The following SORCS1 variants were observed in gnomAD, a reference collection of about 807,000 sequenced individuals.
SORCS1 encodes VPS10 domain-containing receptor SorCS1.
Under a neutral mutation model 146.1 loss-of-function variants are expected in SORCS1, and 60 were observed. The observed-to-expected ratio is 0.41, with a 90% CI of 0.33 to 0.51. The LOEUF is 0.51. Ranked by LOEUF, SORCS1 falls within the 20% of genes least tolerant of loss-of-function variation. The probability of loss-of-function intolerance (pLI) is 0.21; values close to 1 mark genes in which losing one functional copy is unlikely to be tolerated. For synonymous variants in SORCS1, 637 were observed against 584.0 expected, an observed-to-expected ratio of 1.09 and a Z score of -1.31; for missense variants, 1,352 against 1,487.6, an observed-to-expected ratio of 0.91 and a Z score of 1.50.
chr10:107,083,808 T>G (rs1963536637), intron 1 of SORCS1, among the ~76,000 whole-genome samples: 1 of 152,156 alleles, frequency 6.6e-6, no homozygotes, highest in Non-Finnish European at 1.5e-5. Flanking sequence ...GGGAGTGGGA[T>G]GACTCACGCT....
chr10:107,176,917 T>G, the SORCS1 span, among the ~76,000 whole-genome samples: 1 of 152,116 alleles, frequency 6.6e-6, no homozygotes, highest in Non-Finnish European at 1.5e-5. Context: ...TTTATTAATT[T>G]TTTTGGCTTA....
chr10:106,806,851 C>T (rs1947214353), intron 3 of SORCS1, among the ~76,000 whole-genome samples: 1 of 152,030 alleles, frequency 6.6e-6, no homozygotes, highest in Non-Finnish European at 1.5e-5. Context: ...ACTCCACCTT[C>T]CCTATTATTC....
intron 3 of SORCS1, among the ~76,000 whole-genome samples, chr10:106,809,258 A>T (rs149683522): frequency 1.3e-5 from 2 of 152,228 alleles, no homozygotes; most frequent in East Asian, 3.9e-4. Flanking sequence ...CCAGACTAAA[A>T]GTCTCGAAGT....
In SORCS1 at chr10:106,652,399, T is replaced by C. The variant is rs1849933899; in HGVS notation, c.2458A>G (p.Met820Val). The C allele has an allele frequency of 2.5e-6, 4 of 1,612,804 alleles. No homozygotes were observed. In the African/African-American group the frequency reaches 4.0e-5, roughly 16 times the overall value. ...TAEQGHNVTL[M>V]VQLEEGDVQR... ...AGTCCTACCTCTTCTAATTGCACCATGAGAGTGACGTTGTGTCCTTGTTCC... is the reference window on the plus strand; with the variant it reads ...AGTCCTACCTCTTCTAATTGCACCACGAGAGTGACGTTGTGTCCTTGTTCC... The change falls in exon 18 of 26, where the codon ATG becomes GTG. Residue 820 changes from methionine (M) to valine (V), a missense_variant. This residue lies in a region of SORCS1 where 648 missense variants were observed against 793.8 expected (regional missense o/e 0.82). Transcript: ENST00000263054.
At position 107,060,110 on chromosome 10, in the gene SORCS1, C is replaced by T. The variant is rs994695553; in HGVS notation, c.559-103530G>A. ...TGTACTCTAGCTGACAAATCGCCTGCCAGACCTCATCACACACACACACAC... is the reference window on the plus strand; with the variant it reads ...TGTACTCTAGCTGACAAATCGCCTGTCAGACCTCATCACACACACACACAC... On this transcript the variant is annotated intron_variant, in intron 1 of 25. Transcript: ENST00000263054. This position sits in a 1 kb window ranked among gnomAD's most constrained non-coding sequence, Gnocchi z 4.1. Among the ~76,000 whole-genome samples, 2 of 151,832 alleles carry T rather than the reference C, an allele frequency of 1.3e-5. No individual in the cohort carries two copies. The highest frequency in any genetic ancestry group is 2.9e-5 in the Non-Finnish European group (2 of 67,974).
chr10:106,711,009 T>C (rs1854941655), intron 6 of SORCS1, among the ~76,000 whole-genome samples: 1 of 152,206 alleles, frequency 6.6e-6, no homozygotes, highest in Non-Finnish European at 1.5e-5. Context: ...TTCTATGGAA[T>C]TTATCACAAT....
At chr10:106,611,808 G>GGGTT in intron 22 of SORCS1, 103 bp downstream of exon 22, 3 of 610,284 alleles carry the variant, frequency 4.9e-6, no homozygotes, top group Non-Finnish European at 7.9e-6. Flanking sequence ...TCTTCCTGCT[G>GGGTT]GGTTAGTTTG....
intron 2 of SORCS1, among the ~76,000 whole-genome samples, chr10:106,932,912 G>A (rs1158608292): frequency 6.6e-6 from 1 of 152,196 alleles, no homozygotes. Flanking sequence ...ACCAATCTGA[G>A]ACCCGGGCCT....
chr10:106,893,737 A>G (rs1043302064), intron 2 of SORCS1, among the ~76,000 whole-genome samples: 2 of 152,336 alleles, frequency 1.3e-5, no homozygotes, highest in African/African-American at 4.8e-5. Context: ...GTGGAAAAAA[A>G]TAGGAGAAAG....
chr10:106,934,860 T>C (rs1953628352), intron 2 of SORCS1, among the ~76,000 whole-genome samples: 1 of 152,020 alleles, frequency 6.6e-6, no homozygotes, highest in Non-Finnish European at 1.5e-5. Context: ...GGAGCTAAGC[T>C]ATGGGTACAT....
At chr10:106,887,025 A>G (rs1951027563) in intron 2 of SORCS1, among the ~76,000 whole-genome samples, 1 of 152,250 alleles carries the variant, frequency 6.6e-6, no homozygotes. Flanking sequence ...GGCTTCTGAA[A>G]CAGAGTAGAA....
intron 5 of SORCS1, among the ~76,000 whole-genome samples, chr10:106,744,878 G>T (rs927286990): frequency 1.3e-5 from 2 of 152,112 alleles, no homozygotes; most frequent in East Asian, 1.9e-4. Context: ...AAAGAGGAAA[G>T]CTCAGAACTA....
At chr10:106,871,373 C>A (rs1404637265) in intron 2 of SORCS1, among the ~76,000 whole-genome samples, 2 of 152,194 alleles carry the variant, frequency 1.3e-5, no homozygotes, top group African/African-American at 4.8e-5. Flanking sequence ...TTCCACCCAG[C>A]AATCCCATTA....
At position 106,577,086 on chromosome 10, in the gene SORCS1, A is replaced by C; in HGVS notation, c.*334T>G. The C allele has an allele frequency of 1.4e-6, 1 of 696,224 alleles. No homozygotes were observed. The highest frequency in any genetic ancestry group is 2.1e-6 in the Non-Finnish European group (1 of 482,614). 43.1% of individuals were successfully genotyped at this position (696,224 alleles called of 1,614,324 possible). ...CCACATGCACAGGCTTAAAGCTAAA[A>C]ACCCTTGTTGTCTGTGTCTGAAGAA... On this transcript the variant is annotated 3_prime_UTR_variant, in exon 26 of 26. Transcript: ENST00000263054.
rs67408221 is a variant in SORCS1 at position 106,994,063 on chromosome 10, CAAAAA to C, written c.559-37488_559-37484del. ...TGGGTGACAGAGCAAGACCCCATCT[CAAAAA>C]AAAAAAAAAAAAAAAAAAAGAAAAT... is the stretch of plus-strand genomic sequence containing the variant. On this transcript the variant is annotated intron_variant, in intron 1 of 25. Coordinates refer to ENST00000263054, the MANE Select transcript of SORCS1 (RefSeq NM_052918.5). Among the ~76,000 whole-genome samples, 396 of 80,806 alleles carry C rather than the reference CAAAAA, an allele frequency of 4.9e-3. 4 individuals are homozygous for C. In the South Asian group the frequency reaches 0.049, roughly 10 times the overall value. 53.0% of individuals were successfully genotyped at this position (80,806 alleles called of 152,430 possible). A position where few individuals can be genotyped will look rare whatever the true frequency, so the allele number is the denominator to read the frequency against.
upstream of SORCS1, among the ~76,000 whole-genome samples, chr10:107,166,683 G>A (rs1308013878): frequency 6.6e-6 from 1 of 152,180 alleles, no homozygotes; most frequent in Non-Finnish European, 1.5e-5. Flanking sequence ...TTAGAGCTTT[G>A]CAGGATCATT....
intron 1 of SORCS1, among the ~76,000 whole-genome samples, chr10:107,007,551 G>A (rs952673054): frequency 6.6e-6 from 1 of 152,138 alleles, no homozygotes; most frequent in African/African-American, 2.4e-5. Context: ...TCTAGTTCAC[G>A]CCTCATACAA....
At chr10:106,659,650 C>G (rs1039615893) in intron 17 of SORCS1, among the ~76,000 whole-genome samples, 2 of 152,108 alleles carry the variant, frequency 1.3e-5, no homozygotes, top group African/African-American at 4.8e-5. Flanking sequence ...AGAGTTGCAC[C>G]TCACACAGGG....
intron 1 of SORCS1, among the ~76,000 whole-genome samples, chr10:107,057,847 C>T (rs1348927922): frequency 6.6e-6 from 1 of 152,036 alleles, no homozygotes; most frequent in African/African-American, 2.4e-5. Context: ...TCACTATTCT[C>T]CCCAGGCCGC....
Sources: gnomAD v4.1 joint callset for allele counts (sites outside exome capture counted in the v4.1 genomes callset) on GRCh38, gnomAD v4.1.1 for gene constraint, gnomAD v4.1.1 regional missense constraint, Gnocchi (gnomAD v3.1) non-coding constraint, MANE v1.5 for transcripts, NCBI Gene and HGNC (gene_info 2026-07-23, HGNC 2026-07-21) for gene names.